The following DHTKD1 variants were observed in gnomAD, a reference collection of about 807,000 sequenced individuals.
DHTKD1 encodes the protein 2-oxoadipate dehydrogenase complex component E1.
Under a neutral mutation model 101.8 loss-of-function variants are expected in DHTKD1, and 78 were observed. The observed-to-expected ratio is 0.77, with a 90% CI of 0.64 to 0.93. DHTKD1 has a LOEUF of 0.93. DHTKD1 is among the 40% of genes least tolerant of loss of function. The pLI is 0.00. For missense variants in DHTKD1, 1,223 were observed against 1,161.7 expected, an observed-to-expected ratio of 1.05 and a Z score of -0.77; for synonymous variants, 462 against 450.3, an observed-to-expected ratio of 1.03 and a Z score of -0.33.
In DHTKD1 at chr10:12,106,027, G is replaced by A. The variant is rs181885409; in HGVS notation, c.1897-219G>A. ...AGAGAATCACTTGAACCTGGGAGGC[G>A]GAGGTTGCAGTGAGCCGAGATGGAG... On this transcript the variant is annotated intron_variant, in intron 10 of 16. Coordinates refer to ENST00000263035, the MANE Select transcript of DHTKD1 (RefSeq NM_018706.7). Among the ~76,000 whole-genome samples the A allele has an allele frequency of 8.3e-3, 1,260 of 152,282 alleles. 9 individuals are homozygous for A. The highest frequency in any genetic ancestry group is 0.013 in the Non-Finnish European group (903 of 68,014).
chr10:12,111,391 C>G (rs1046039876), intron 12 of DHTKD1, among the ~76,000 whole-genome samples: 1 of 152,176 alleles, frequency 6.6e-6, no homozygotes, highest in Admixed American at 6.6e-5. Flanking sequence ...CTCTTGAACC[C>G]CTGACCTCAT....
At chr10:12,081,294 AAGT>A (rs1441022921) in intron 1 of DHTKD1, among the ~76,000 whole-genome samples, 175 bp from the exon 2 acceptor site, 1 of 150,588 alleles carries the variant, frequency 6.6e-6, no homozygotes, top group Non-Finnish European at 1.5e-5. Flanking sequence ...AAAAAAAAAA[AAGT>A]GATGGTTCTA....
chr10:12,100,232 G>T lies in DHTKD1; in HGVS notation c.1726G>T (p.Ala576Ser). 1.3e-6 allele frequency: 2 copies of T among 1,556,836 alleles called. No homozygotes were observed. The highest frequency in any genetic ancestry group is 1.2e-5 in the South Asian group (1 of 85,652). ...CAAGCTAGACTGGGCCACCGCGGAAGCTCTTGCCTTGGGTTCTTTACTTGC... is the reference window on the plus strand; with the variant it reads ...CAAGCTAGACTGGGCCACCGCGGAATCTCTTGCCTTGGGTTCTTTACTTGC... ...GIKLDWATAE[A>S]LALGSLLAQG... is the part of the protein sequence containing the mutation. Residue 576 changes from alanine to serine, a missense_variant, in exon 9 of 17, where the codon GCT becomes TCT. Transcript: ENST00000263035.
intron 4 of DHTKD1, 54 bp from the exon 5 acceptor site, chr10:12,088,932 T>G (rs1832944457): frequency 2.0e-6 from 3 of 1,516,696 alleles, no homozygotes; most frequent in Admixed American, 1.8e-5. Context: ...ACTTCTTCCC[T>G]AGACTCCATT....
At position 12,100,256 on chromosome 10, in the gene DHTKD1, G is replaced by C. The variant is rs2131367145; in HGVS notation, c.1750G>C (p.Ala584Pro). ...AGCTCTTGCCTTGGGTTCTTTACTT[G>C]CTCAAGGTAAGAATTTTCTTTTTTT... ...AEALALGSLL[A>P]QGFNVRLSGQ... Residue 584 changes from alanine (A) to proline (P), a missense_variant, in exon 9 of 17, where the codon GCT (alanine) becomes CCT (proline). Physicochemically the swap from Ala to Pro is conservative, Grantham distance 27. Coordinates refer to ENST00000263035, the MANE Select transcript of DHTKD1 (RefSeq NM_018706.7). 9.8e-7 allele frequency: 1 copy of C among 1,015,596 alleles called. No homozygotes were observed. The highest frequency in any genetic ancestry group is 1.3e-6 in the Non-Finnish European group (1 of 746,172). The allele number at this position is 1,015,596 out of a possible 1,614,324, so 62.9% of individuals were successfully genotyped here. A position where few individuals can be genotyped will look rare whatever the true frequency, so the allele number is the denominator to read the frequency against.
chr10:12,112,983 C>G lies in DHTKD1; in HGVS notation c.2238C>G (p.Phe746Leu), dbSNP rs1303475817. The G allele has an allele frequency of 6.2e-7, 1 of 1,613,808 alleles. No homozygotes were observed. Among genetic ancestry groups the G allele is most frequent in the Non-Finnish European group, 8.5e-7 (1 of 1,179,934 alleles). Residue 746 changes from phenylalanine (F) to leucine (L), a missense_variant, in exon 13 of 17, where the codon TTC (phenylalanine) becomes TTG (leucine). Phe to Leu is a conservative substitution (Grantham distance 22). Coordinates refer to ENST00000263035, the MANE Select transcript of DHTKD1 (RefSeq NM_018706.7). ...VVHPTTPAQY[F>L]HLLRRQMVRN... ...ACCCAACAACTCCTGCACAGTATTT[C>G]CACTTGCTTAGGAGACAGATGGTCC...
chr10:12,095,812 CAAAAA>C (rs1185585860), intron 7 of DHTKD1, among the ~76,000 whole-genome samples: 1 of 41,498 alleles, frequency 2.4e-5, no homozygotes, highest in Non-Finnish European at 4.9e-5. Context: ...GACTCCGTCT[CAAAAA>C]AAAAAAAAAA....
Position 12,113,018 on chromosome 10 carries a change from G to T in DHTKD1, c.2273G>T (p.Arg758Ile). Residue 758 changes from arginine (R) to isoleucine (I), a missense_variant, in exon 13 of 17, where the codon AGA (arginine) becomes ATA (isoleucine). Arg to Ile is a moderately conservative substitution (Grantham distance 97). Coordinates refer to ENST00000263035, the MANE Select transcript of DHTKD1 (RefSeq NM_018706.7). ...AGGAGACAGATGGTCCGGAACTTCAGAAAACCACTCATTGTTGCTTCCCCT... is the reference window on the plus strand; with the variant it reads ...AGGAGACAGATGGTCCGGAACTTCATAAAACCACTCATTGTTGCTTCCCCT... ...LLRRQMVRNF[R>I]KPLIVASPKM... The T allele has an allele frequency of 6.2e-7, 1 of 1,613,588 alleles. No homozygotes were observed. Among genetic ancestry groups the T allele is most frequent in the East Asian group, 2.2e-5 (1 of 44,810 alleles).
At chr10:12,076,617 G>A (rs542268438) in intron 1 of DHTKD1, among the ~76,000 whole-genome samples, 9 of 152,144 alleles carry the variant, frequency 5.9e-5, no homozygotes, top group African/African-American at 1.7e-4. Context: ...AGGATCTCTC[G>A]AGCCCAGGAG....
Position 12,076,226 on chromosome 10 carries a change from C to T in DHTKD1, c.155-5246C>T, listed in dbSNP as rs529824219. On this transcript the variant is annotated intron_variant, in intron 1 of 16. Transcript: ENST00000263035. Reference sequence around the variant, plus strand: ...AGTGCGGTGGCTCACGCCTGTAATCCCAGCACTTTGGGAGGCCGCGGTGGG... The same window carrying T: ...AGTGCGGTGGCTCACGCCTGTAATCTCAGCACTTTGGGAGGCCGCGGTGGG... Among the ~76,000 whole-genome samples, 13 of 152,326 alleles carry T rather than the reference C, an allele frequency of 8.5e-5. No individual in the cohort carries two copies. In the South Asian group the frequency reaches 2.5e-3, roughly 29 times the overall value.
intron 4 of DHTKD1, among the ~76,000 whole-genome samples, chr10:12,088,774 G>A (rs1484818941): frequency 2.6e-5 from 4 of 151,806 alleles, no homozygotes; most frequent in African/African-American, 9.7e-5. Context: ...TAATAGAGAC[G>A]GGGTTTCACC....
At chr10:12,108,292 T>C (rs1833280309) in intron 12 of DHTKD1, among the ~76,000 whole-genome samples, 1 of 152,182 alleles carries the variant, frequency 6.6e-6, no homozygotes, top group Admixed American at 6.6e-5. Context: ...ATTTTTATTT[T>C]TTTTTGAGAT....
At chr10:12,076,263 G>A (rs929208676) in intron 1 of DHTKD1, among the ~76,000 whole-genome samples, 2 of 152,204 alleles carry the variant, frequency 1.3e-5, no homozygotes, top group Non-Finnish European at 2.9e-5. Flanking sequence ...GGATCACGAG[G>A]TCAGGAGATA....
intron 12 of DHTKD1, among the ~76,000 whole-genome samples, chr10:12,108,613 A>G (rs909087742): frequency 2.6e-5 from 4 of 152,164 alleles, no homozygotes; most frequent in Admixed American, 6.6e-5. Flanking sequence ...CCTGCCAGAA[A>G]TAGCCATTGT....
In DHTKD1 at chr10:12,117,678, C is replaced by A; in HGVS notation, c.2325C>A (p.Ala775=). Residue 775 remains alanine (A), a synonymous_variant, in exon 14 of 17, where the codon GCC becomes GCA. Coordinates refer to ENST00000263035, the MANE Select transcript of DHTKD1 (RefSeq NM_018706.7). ...TGGCCTCTTCTCCCTCGTAGGCAGC[C>A]GTGTCAACTCTTCAAGAAATGGCAC... ...SPKMLLRLPA[A]VSTLQEMAPG... is the part of the protein sequence containing the mutation. 2 of 1,591,670 alleles carry A rather than the reference C, an allele frequency of 1.3e-6. No individual in the cohort carries two copies. The highest frequency in any genetic ancestry group is 1.7e-6 in the Non-Finnish European group (2 of 1,165,336).
At position 12,094,062 on chromosome 10, in the gene DHTKD1, C is replaced by T; in HGVS notation, c.1160-11C>T. 1 of 1,611,996 alleles carries T rather than the reference C, an allele frequency of 6.2e-7. No homozygotes were observed. Among genetic ancestry groups the T allele is most frequent in the Non-Finnish European group, 8.5e-7 (1 of 1,178,374 alleles). Reference sequence around the variant, plus strand: ...AACTGTCCTGTTTCGGCTTGGTCTTCTGTCCTTCAGGGAAGCTTGTGGGCT... The same window carrying T: ...AACTGTCCTGTTTCGGCTTGGTCTTTTGTCCTTCAGGGAAGCTTGTGGGCT... On this transcript the variant is annotated splice_polypyrimidine_tract_variant and intron_variant, in intron 6 of 16. Coordinates refer to ENST00000263035, the MANE Select transcript of DHTKD1 (RefSeq NM_018706.7).
At position 12,107,996 on chromosome 10, in the gene DHTKD1, G is replaced by A. The variant is rs755668251; in HGVS notation, c.2135G>A (p.Arg712Gln). ...GCTGGGCCAGACCACTCATCCTGTC[G>A]AATAGAGCGTTTCCTGCAGGTAAGG... ...DGAGPDHSSC[R>Q]IERFLQMCDS... is the part of the protein sequence containing the mutation. The change falls in exon 12 of 17, where the codon CGA becomes CAA. Residue 712 changes from arginine (R) to glutamine (Q), a missense_variant. By Grantham distance (43) the Arg-to-Gln change is conservative. Transcript: ENST00000263035. This position sits in a 1 kb window ranked among gnomAD's most constrained non-coding sequence, Gnocchi z 4.1. 12 of 1,613,474 alleles carry A rather than the reference G, an allele frequency of 7.4e-6. No homozygotes were observed. Among genetic ancestry groups the A allele is most frequent in the African/African-American group, 4.0e-5 (3 of 74,894 alleles).
chr10:12,080,661 A>C (rs1202192623), intron 1 of DHTKD1, among the ~76,000 whole-genome samples: 1 of 151,306 alleles, frequency 6.6e-6, no homozygotes, highest in Non-Finnish European at 1.5e-5. Context: ...CAGTGAGCCA[A>C]GATTGAACCA....
chr10:12,116,224 TCTG>T (rs1237723183), intron 13 of DHTKD1: 2 of 148,514 alleles, frequency 1.3e-5, no homozygotes, highest in African/African-American at 5.0e-5. Context: ...AGCCACCACG[TCTG>T]GCCTGATTCT....
Sources: allele counts gnomAD v4.1 joint callset (sites outside exome capture counted in the v4.1 genomes callset), GRCh38; gene constraint gnomAD v4.1.1; non-coding constraint Gnocchi (gnomAD v3.1); transcripts MANE v1.5; gene names NCBI Gene and HGNC (gene_info 2026-07-23, HGNC 2026-07-21).